Variants in IFT81 observed in about 807,000 individuals in gnomAD.
The protein encoded by IFT81 is intraflagellar transport protein 81 homolog.
Under a neutral mutation model 102.6 loss-of-function variants are expected in IFT81, and 72 were observed. The ratio of observed to expected loss-of-function variants is 0.70; its 90% confidence interval spans 0.58 to 0.85. IFT81 has a LOEUF of 0.85. Among genes scored for constraint, IFT81 ranks in the 40% least tolerant of loss-of-function variants. IFT81 has a pLI of 0.00. For synonymous variants in IFT81, 237 were observed against 242.7 expected, an observed-to-expected ratio of 0.98 and a Z score of 0.22; for missense variants, 723 against 787.3, an observed-to-expected ratio of 0.92 and a Z score of 0.98.
intron 8 of IFT81, among the ~76,000 whole-genome samples, chr12:110,140,089 T>C (rs1894794945): frequency 6.6e-6 from 1 of 151,838 alleles, no homozygotes; most frequent in African/African-American, 2.4e-5. Flanking sequence ...GTAGCACATA[T>C]TTAAAATGTA....
chr12:110,146,535 CAT>C (rs1195743592), intron 9 of IFT81, among the ~76,000 whole-genome samples: 2 of 152,126 alleles, frequency 1.3e-5, no homozygotes, highest in African/African-American at 2.4e-5. Flanking sequence ...ATAATTTAGA[CAT>C]AGATGATTAA....
intron 5 of IFT81, 145 bp downstream of exon 5, chr12:110,132,781 G>A (rs1894248456): frequency 2.0e-6 from 1 of 511,188 alleles, no homozygotes; most frequent in African/African-American, 2.0e-5. Context: ...GGGACCTTTG[G>A]TAGTTCCTTA....
chr12:110,150,773 T>G (rs1566120898), intron 10 of IFT81, among the ~76,000 whole-genome samples: 4 of 152,184 alleles, frequency 2.6e-5, no homozygotes, highest in Admixed American at 6.6e-5. Context: ...TCAAATAAGT[T>G]TCCAGCATCT....
chr12:110,195,417 G>A (rs1273246718), intron 14 of IFT81, among the ~76,000 whole-genome samples: 1 of 151,876 alleles, frequency 6.6e-6, no homozygotes, highest in African/African-American at 2.4e-5. Context: ...CTTAGTGTTT[G>A]CCGTTATACC....
At chr12:110,198,867 T>C (rs531292198) in intron 14 of IFT81, among the ~76,000 whole-genome samples, 6 of 151,924 alleles carry the variant, frequency 3.9e-5, no homozygotes, top group African/African-American at 1.4e-4. Flanking sequence ...TGGAGTGCAG[T>C]GTTGCAGTCT....
chr12:110,129,050 T>C lies in IFT81; in HGVS notation c.349T>C (p.Tyr117His), dbSNP rs373004347. 1.0e-5 allele frequency: 16 copies of C among 1,605,752 alleles called. No homozygotes were observed. The highest frequency in any genetic ancestry group is 1.3e-5 in the Non-Finnish European group (15 of 1,177,850). Residue 117 changes from tyrosine to histidine, a missense_variant, in exon 4 of 19, where the codon TAT (tyrosine) becomes CAT (histidine). Coordinates refer to ENST00000242591, the MANE Select transcript of IFT81 (RefSeq NM_014055.4). The part of the protein sequence containing the change: ...QRTNELKKRA[Y>H]LARFLIKLEV... ...GACTAATGAACTGAAGAAAAGAGCA[T>C]ATTTAGCTCGTTTTTTAATAAAACT...
chr12:110,143,319 G>C (rs1480901698), intron 8 of IFT81, 63 bp from the exon 9 acceptor site: 2 of 969,678 alleles, frequency 2.1e-6, no homozygotes, highest in African/African-American at 3.4e-5. Flanking sequence ...ATTTAAAATA[G>C]TATACAGAAT....
chr12:110,139,859 AATAAAAT>A (rs1894771803), intron 8 of IFT81, among the ~76,000 whole-genome samples: 1 of 135,420 alleles, frequency 7.4e-6, no homozygotes, highest in African/African-American at 3.0e-5. Flanking sequence ...AATAAAATAA[AATAAAAT>A]ATAAAATAAA....
Position 110,128,146 on chromosome 12 carries a change from A to G in IFT81, c.245A>G (p.Asp82Gly). The change falls in exon 3 of 19, where the codon GAT (aspartate) becomes GGT (glycine). Residue 82 changes from aspartate (D) to glycine (G), a missense_variant. Transcript: ENST00000242591. ...TACAAACCTTCAGGAAATGCCACAG[A>G]TATGTAAGAATCTGATCACGTATTG... ...LKYKPSGNAT[D>G]MSTFRQGLVI... 6.3e-7 allele frequency: 1 copy of G among 1,586,634 alleles called. No individual in the cohort carries two copies. Among genetic ancestry groups the G allele is most frequent in the Non-Finnish European group, 8.7e-7 (1 of 1,155,058 alleles).
chr12:110,173,505 GTTTTGT>G (rs1165997746), intron 11 of IFT81, among the ~76,000 whole-genome samples: 2 of 152,250 alleles, frequency 1.3e-5, no homozygotes. Context: ...GACAATGGTG[GTTTTGT>G]GGAATAGAAA....
chr12:110,197,421 G>A (rs985428129), intron 14 of IFT81, among the ~76,000 whole-genome samples: 1 of 146,056 alleles, frequency 6.8e-6, no homozygotes, highest in Non-Finnish European at 1.5e-5. Flanking sequence ...TGTACATCCT[G>A]TTATTTACTG....
chr12:110,151,178 A>G lies in IFT81; in HGVS notation c.1041+4130A>G, dbSNP rs1001877954. Among the ~76,000 whole-genome samples, 3 of 152,006 alleles carry G rather than the reference A, an allele frequency of 2.0e-5. 1 individual carries two copies. Among genetic ancestry groups the G allele is most frequent in the Non-Finnish European group, 1.5e-5 (1 of 67,992 alleles). On this transcript the variant is annotated intron_variant, in intron 10 of 18. Coordinates refer to ENST00000242591, the MANE Select transcript of IFT81 (RefSeq NM_014055.4). ...CCAAACACATTAGCACCCACTTTCCATTTCTCCCCTAAACCCCCAATTTCA... is the reference window on the plus strand; with the variant it reads ...CCAAACACATTAGCACCCACTTTCCGTTTCTCCCCTAAACCCCCAATTTCA...
chr12:110,156,733 G>T (rs1296174150), intron 10 of IFT81, among the ~76,000 whole-genome samples: 1 of 152,182 alleles, frequency 6.6e-6, no homozygotes, highest in East Asian at 1.9e-4. Flanking sequence ...CTGACTTCAA[G>T]TGATCTGCCT....
intron 11 of IFT81, among the ~76,000 whole-genome samples, chr12:110,176,776 A>G (rs982381890): frequency 6.6e-6 from 1 of 152,250 alleles, no homozygotes; most frequent in Admixed American, 6.5e-5. Context: ...ATTATATATA[A>G]TGAATATCAA....
chr12:110,130,628 A>C (rs1894107886), intron 4 of IFT81, among the ~76,000 whole-genome samples: 1 of 151,990 alleles, frequency 6.6e-6, no homozygotes, highest in Admixed American at 6.6e-5. Flanking sequence ...TCGGGTTCCA[A>C]AGTGCTGGGA....
intron 3 of IFT81, 47 bp downstream of exon 3, chr12:110,128,196 T>C (rs947426183): frequency 5.1e-6 from 6 of 1,185,266 alleles, no homozygotes; most frequent in Non-Finnish European, 7.6e-6. Context: ...TGCTTTAATA[T>C]CCAAACCTTC....
intron 11 of IFT81, among the ~76,000 whole-genome samples, chr12:110,177,309 A>C (rs187787222): frequency 1.3e-5 from 2 of 152,046 alleles, no homozygotes; most frequent in Non-Finnish European, 2.9e-5. Context: ...TTGAGACAGA[A>C]TCTCGCTCTG....
intron 10 of IFT81, among the ~76,000 whole-genome samples, chr12:110,154,872 T>G (rs150928765): frequency 6.6e-6 from 1 of 152,188 alleles, no homozygotes; most frequent in East Asian, 1.9e-4. Context: ...TGTCTCAGTT[T>G]TCTATATGTC....
chr12:110,152,845 C>A (rs1439038188), intron 10 of IFT81, among the ~76,000 whole-genome samples: 1 of 152,170 alleles, frequency 6.6e-6, no homozygotes, highest in African/African-American at 2.4e-5. Flanking sequence ...CCCGCCTGGA[C>A]TTCCCAAAGT....
Sources: allele counts gnomAD v4.1 joint callset (sites outside exome capture counted in the v4.1 genomes callset), GRCh38; gene constraint gnomAD v4.1.1; transcripts MANE v1.5; gene names NCBI Gene and HGNC (gene_info 2026-07-23, HGNC 2026-07-21).